The following SLC6A11 variants were observed in gnomAD, a reference collection of about 807,000 sequenced individuals.
SLC6A11 encodes solute carrier family 6 member 11, also known as sodium- and chloride-dependent GABA transporter 3.
In SLC6A11, 25 loss-of-function variants were observed where a neutral mutation model predicts 74.8. The ratio of observed to expected loss-of-function variants is 0.33; its 90% CI spans 0.24 to 0.47. SLC6A11 has a LOEUF of 0.47. SLC6A11 is among the 20% of genes least tolerant of loss of function. The pLI, the probability that SLC6A11 is intolerant of heterozygous loss-of-function variation, is 1.00. For synonymous variants in SLC6A11, 330 were observed against 330.2 expected, an observed-to-expected ratio of 1.00 and a Z score of 0.01; for missense variants, 574 against 837.0, an observed-to-expected ratio of 0.69 and a Z score of 3.88.
At chr3:10,868,604 G>A (rs1694792388) in intron 5 of SLC6A11, among the ~76,000 whole-genome samples, 1 of 152,202 alleles carries the variant, frequency 6.6e-6, no homozygotes, top group South Asian at 2.1e-4. Context: ...TGGACTGAGG[G>A]TTCTGACAGA....
intron 6 of SLC6A11, among the ~76,000 whole-genome samples, chr3:10,898,430 T>C (rs1315731996): frequency 6.6e-5 from 10 of 152,230 alleles, no homozygotes; most frequent in Non-Finnish European, 1.3e-4. Context: ...AGCACCCAAG[T>C]CACCTCTTGA....
intron 6 of SLC6A11, among the ~76,000 whole-genome samples, chr3:10,911,099 C>T (rs144559502): frequency 0.013 from 2,045 of 152,334 alleles, 44 homozygotes; most frequent in African/African-American, 0.047. Context: ...GCTGGGATTA[C>T]AGGCATGAGC....
chr3:10,838,080 G>C (rs930115836), intron 4 of SLC6A11, among the ~76,000 whole-genome samples: 2 of 152,224 alleles, frequency 1.3e-5, no homozygotes, highest in African/African-American at 4.8e-5. Flanking sequence ...TCAGTGGCAG[G>C]TTAAAGAAAG....
intron 5 of SLC6A11, among the ~76,000 whole-genome samples, chr3:10,855,197 A>G (rs1694624540): frequency 6.6e-6 from 1 of 152,196 alleles, no homozygotes; most frequent in South Asian, 2.1e-4. Context: ...TAAGTAAAAT[A>G]TCTCCTGCTG....
rs774475486 is a variant in SLC6A11, at chr3:10,823,292, T to C, written c.533-10T>C. 2.5e-6 allele frequency: 4 copies of C among 1,592,794 alleles called. No homozygotes were observed. In the African/African-American group the frequency reaches 4.0e-5, roughly 16 times the overall value. ...ATTTTCTTCTATTTCTTGTCTTGTTTCCACTGTAGAGAATTGTGTGGAGTT... is the reference window on the plus strand; with the variant it reads ...ATTTTCTTCTATTTCTTGTCTTGTTCCCACTGTAGAGAATTGTGTGGAGTT... On this transcript the variant is annotated splice_polypyrimidine_tract_variant and intron_variant, in intron 3 of 13. Coordinates refer to ENST00000254488, the MANE Select transcript of SLC6A11 (RefSeq NM_014229.3).
At chr3:10,860,594 G>C (rs943378158) in intron 5 of SLC6A11, among the ~76,000 whole-genome samples, 1 of 152,212 alleles carries the variant, frequency 6.6e-6, no homozygotes, top group Non-Finnish European at 1.5e-5. Flanking sequence ...AGGAGGGCAA[G>C]GGTTGTAAGA....
chr3:10,938,407 C>A lies in SLC6A11; in HGVS notation c.*5C>A. 1 of 1,588,102 alleles carries A rather than the reference C, an allele frequency of 6.3e-7. No individual in the cohort carries two copies. Among genetic ancestry groups the A allele is most frequent in the Middle Eastern group, 1.7e-4 (1 of 5,964 alleles). Reference sequence around the variant, plus strand: ...GAGAAGGAGACGCACTTCTGAGCGGCCACCAGCCATCTGGGGCTCTTCTTC... The same window carrying A: ...GAGAAGGAGACGCACTTCTGAGCGGACACCAGCCATCTGGGGCTCTTCTTC... On this transcript the variant is annotated 3_prime_UTR_variant, in exon 14 of 14. Transcript: ENST00000254488.
intron 6 of SLC6A11, among the ~76,000 whole-genome samples, chr3:10,902,453 G>C (rs891878034): frequency 6.6e-6 from 1 of 152,228 alleles, no homozygotes; most frequent in African/African-American, 2.4e-5. Context: ...TGGAAATGAC[G>C]TGGGTGCTTG....
At chr3:10,822,882 T>C (rs1158983060) in intron 3 of SLC6A11, among the ~76,000 whole-genome samples, 1 of 152,194 alleles carries the variant, frequency 6.6e-6, no homozygotes, top group African/African-American at 2.4e-5. Context: ...AAAGTAAAAC[T>C]GAGTCTCAGC....
intron 6 of SLC6A11, among the ~76,000 whole-genome samples, chr3:10,910,787 A>G (rs1695375477): frequency 1.3e-5 from 2 of 151,542 alleles, no homozygotes; most frequent in African/African-American, 4.9e-5. Context: ...GAGGGGGCCA[A>G]TAATAGCACC....
At chr3:10,887,733 G>A (rs1003777522) in intron 6 of SLC6A11, among the ~76,000 whole-genome samples, 28 of 152,156 alleles carry the variant, frequency 1.8e-4, no homozygotes, top group African/African-American at 6.0e-4. Flanking sequence ...GTGAGCTACC[G>A]TGCCCTGCTG....
chr3:10,851,928 G>A (rs779157739), intron 5 of SLC6A11, among the ~76,000 whole-genome samples: 1 of 152,204 alleles, frequency 6.6e-6, no homozygotes, highest in Admixed American at 6.5e-5. Flanking sequence ...CTGCCACCAA[G>A]GTGGGCTGGA....
chr3:10,839,544 C>T (rs1423934566), intron 4 of SLC6A11, among the ~76,000 whole-genome samples: 1 of 152,222 alleles, frequency 6.6e-6, no homozygotes, highest in Admixed American at 6.5e-5. Flanking sequence ...CCTGCTTCTC[C>T]AAGGGCTACT....
At chr3:10,914,032 G>A (rs1437137448) in intron 7 of SLC6A11, among the ~76,000 whole-genome samples, 2 of 152,184 alleles carry the variant, frequency 1.3e-5, no homozygotes, top group Admixed American at 1.3e-4. Context: ...CCCAAGTCCT[G>A]TTCAGCATAG....
chr3:10,881,031 GAGA>G (rs1228797580), intron 6 of SLC6A11, among the ~76,000 whole-genome samples: 3 of 152,158 alleles, frequency 2.0e-5, no homozygotes, highest in African/African-American at 7.2e-5. Context: ...TTAGTCTGTT[GAGA>G]AGGAGTAGCA....
At chr3:10,923,511 A>G (rs568890193) in intron 8 of SLC6A11, among the ~76,000 whole-genome samples, 1 of 152,174 alleles carries the variant, frequency 6.6e-6, no homozygotes, top group Non-Finnish European at 1.5e-5. Context: ...CCACATTCAC[A>G]TATATAAATA....
intron 6 of SLC6A11, among the ~76,000 whole-genome samples, chr3:10,875,498 G>A (rs182588535): frequency 2.3e-4 from 35 of 152,240 alleles, no homozygotes; most frequent in Admixed American, 1.8e-3. Context: ...ATCTAAAATT[G>A]AAACAAATAC....
At position 10,816,786 on chromosome 3, in the gene SLC6A11, G is replaced by C. The variant is rs548224208; in HGVS notation, c.256+265G>C. ...CGTTCTGTCCCCAGCATGAGATGCA[G>C]ACCGAGGCCAGGGAGCCCTTGCTTT... On this transcript the variant is annotated intron_variant, in intron 1 of 13. Coordinates refer to ENST00000254488, the MANE Select transcript of SLC6A11 (RefSeq NM_014229.3). This position sits in a 1 kb window ranked among gnomAD's most constrained non-coding sequence, Gnocchi z 4.2. 3.3e-5 allele frequency among the ~76,000 whole-genome samples: 5 copies of C among 152,236 alleles called. No individual in the cohort carries two copies. The highest frequency in any genetic ancestry group is 1.2e-4 in the African/African-American group (5 of 41,476).
intron 10 of SLC6A11, among the ~76,000 whole-genome samples, chr3:10,931,517 A>G (rs1039169197): frequency 1.3e-5 from 2 of 152,114 alleles, no homozygotes; most frequent in African/African-American, 4.8e-5. Context: ...CAGATGGGAG[A>G]ACCCAGGCCA....
Sources: allele counts gnomAD v4.1 joint callset (sites outside exome capture counted in the v4.1 genomes callset), GRCh38; gene constraint gnomAD v4.1.1; non-coding constraint Gnocchi (gnomAD v3.1); transcripts MANE v1.5; gene names NCBI Gene and HGNC (gene_info 2026-07-23, HGNC 2026-07-21).